The following CD300LF variants were observed in gnomAD, a reference collection of about 807,000 sequenced individuals.
The protein encoded by CD300LF is CMRF35-like molecule 1.
A neutral mutation model predicts 32.2 loss-of-function variants in CD300LF; 27 were observed. The ratio of observed to expected loss-of-function variants is 0.84; its 90% CI spans 0.62 to 1.15. CD300LF has a LOEUF of 1.15. CD300LF is among the 50% of genes most tolerant of loss of function. The pLI, the probability that CD300LF is intolerant of heterozygous loss-of-function variation, is 0.00. For synonymous variants in CD300LF, 139 were observed against 143.2 expected (o/e 0.97, Z 0.21); for missense variants, 348 against 356.8 (o/e 0.98, Z 0.20).
chr17:74,699,132 T>C (rs1431068318), intron 3 of CD300LF, among the ~76,000 whole-genome samples: 2 of 152,182 alleles, frequency 1.3e-5, no homozygotes, highest in African/African-American at 4.8e-5. Flanking sequence ...TAAGCCAGGC[T>C]GGTCTCGAAC....
At chr17:74,697,467 A>T (rs1462497372) in intron 4 of CD300LF, among the ~76,000 whole-genome samples, 3 of 152,358 alleles carry the variant, frequency 2.0e-5, no homozygotes, top group Non-Finnish European at 2.9e-5. Flanking sequence ...GATGAATAAA[A>T]GTCAGGCTCT....
rs2032251297 is a variant in CD300LF, at chr17:74,694,519, C to T, written c.*577G>A. The T allele has an allele frequency of 6.6e-6, 1 of 152,226 alleles. No homozygotes were observed. Among genetic ancestry groups the T allele is most frequent in the African/African-American group, 2.4e-5 (1 of 41,434 alleles). 9.4% of individuals were successfully genotyped at this position (152,226 alleles called of 1,614,324 possible). ...GCTCACGTCACACCCACGTCCACTTCCATCATCACTTTGTCTCTACCTCTT... is the reference window on the plus strand; with the variant it reads ...GCTCACGTCACACCCACGTCCACTTTCATCATCACTTTGTCTCTACCTCTT... On this transcript the variant is annotated 3_prime_UTR_variant, in exon 7 of 7. Transcript: ENST00000326165.
chr17:74,712,414 C>T (rs933845468), intron 1 of CD300LF, among the ~76,000 whole-genome samples: 12 of 152,134 alleles, frequency 7.9e-5, no homozygotes, highest in African/African-American at 2.4e-4. Context: ...CCTCTTCCCT[C>T]CTTTCAAAGT....
intron 6 of CD300LF, 88 bp from the exon 7 acceptor site, chr17:74,695,339 A>G (rs2143534540): frequency 6.6e-7 from 1 of 1,505,086 alleles, no homozygotes; most frequent in South Asian, 1.2e-5. Flanking sequence ...GATAGTGGGG[A>G]TGGACCATTC....
At position 74,695,028 on chromosome 17, in the gene CD300LF, G is replaced by A. The variant is rs866429626; in HGVS notation, c.*68C>T. On this transcript the variant is annotated 3_prime_UTR_variant, in exon 7 of 7. Coordinates refer to ENST00000326165, the MANE Select transcript of CD300LF (RefSeq NM_139018.5). Reference sequence around the variant, plus strand: ...GGTTGGTCCTGATGAGGGGAGCAGGGGGCAGACGGTCGATGAGGCAGGAGT... The same window carrying A: ...GGTTGGTCCTGATGAGGGGAGCAGGAGGCAGACGGTCGATGAGGCAGGAGT... The A allele has an allele frequency of 1.3e-5, 20 of 1,524,376 alleles. No individual in the cohort carries two copies. In the East Asian group the frequency reaches 3.9e-4, roughly 30 times the overall value. The allele number at this position is 1,524,376 out of a possible 1,614,324, so 94.4% of individuals were successfully genotyped here.
intron 1 of CD300LF, 135 bp downstream of exon 1, chr17:74,712,689 T>C (rs2034058178): frequency 1.3e-5 from 11 of 837,588 alleles, no homozygotes; most frequent in Non-Finnish European, 2.1e-5. Context: ...GCTAGGTGAA[T>C]GGTGGGTATG....
intron 6 of CD300LF, 89 bp from the exon 7 acceptor site, chr17:74,695,340 T>C: frequency 6.6e-7 from 1 of 1,504,046 alleles, no homozygotes; most frequent in Admixed American, 1.9e-5. Flanking sequence ...ATAGTGGGGA[T>C]GGACCATTCA....
At chr17:74,699,208 C>A (rs889650197) in intron 3 of CD300LF, among the ~76,000 whole-genome samples, 1 of 152,124 alleles carries the variant, frequency 6.6e-6, no homozygotes, top group Non-Finnish European at 1.5e-5. Context: ...TGAGCCACAG[C>A]GCCCGGCCTT....
At chr17:74,698,312 G>A (rs1369485876) in intron 4 of CD300LF, 57 bp downstream of exon 4, 22 of 1,206,248 alleles carry the variant, frequency 1.8e-5, no homozygotes, top group Non-Finnish European at 2.3e-5. Flanking sequence ...GCTCCCAGAT[G>A]CCACATCCCC....
At chr17:74,696,053 C>T in intron 5 of CD300LF, 142 bp downstream of exon 5, 1 of 1,288,770 alleles carries the variant, frequency 7.8e-7, no homozygotes, top group Non-Finnish European at 1.1e-6. Context: ...GCCCTCAGCC[C>T]CCAGGCCCTG....
At chr17:74,709,545 A>G (rs2033795434) in intron 1 of CD300LF, among the ~76,000 whole-genome samples, 1 of 152,124 alleles carries the variant, frequency 6.6e-6, no homozygotes, top group Non-Finnish European at 1.5e-5. Context: ...TTAGGACACC[A>G]TAAACCAAGA....
intron 3 of CD300LF, among the ~76,000 whole-genome samples, chr17:74,699,820 G>C (rs1300050816): frequency 1.3e-5 from 2 of 151,958 alleles, no homozygotes; most frequent in Non-Finnish European, 2.9e-5. Context: ...TGAACCAAAC[G>C]TCAAAGCACA....
chr17:74,705,188 T>C, intron 1 of CD300LF: 1 of 697,760 alleles, frequency 1.4e-6, no homozygotes, highest in Non-Finnish European at 2.6e-6. Flanking sequence ...GGAGACCCCT[T>C]TCCACAGGGT....
intron 1 of CD300LF, among the ~76,000 whole-genome samples, chr17:74,711,684 G>A (rs192633973): frequency 2.6e-5 from 4 of 152,122 alleles, no homozygotes; most frequent in African/African-American, 9.6e-5. Context: ...TGGAAAGCTG[G>A]TCCCGATCCT....
chr17:74,700,281 C>T (rs1340425636), intron 3 of CD300LF, among the ~76,000 whole-genome samples: 1 of 152,170 alleles, frequency 6.6e-6, no homozygotes, highest in Non-Finnish European at 1.5e-5. Flanking sequence ...CTCCTGCCTA[C>T]GACTCACCCC....
intron 1 of CD300LF, among the ~76,000 whole-genome samples, chr17:74,710,819 A>G (rs758018523): frequency 2.0e-5 from 3 of 151,890 alleles, no homozygotes; most frequent in Admixed American, 6.6e-5. Context: ...GTGAGCCAAG[A>G]TCGCGCCACT....
intron 1 of CD300LF, chr17:74,705,398 A>C: frequency 1.9e-6 from 1 of 529,652 alleles, no homozygotes; most frequent in African/African-American, 1.9e-5. Flanking sequence ...CATACAACAC[A>C]GATCCCACTT....
At chr17:74,697,024 C>T (rs1036602178) in intron 4 of CD300LF, among the ~76,000 whole-genome samples, 1 of 152,172 alleles carries the variant, frequency 6.6e-6, no homozygotes, top group Non-Finnish European at 1.5e-5. Flanking sequence ...TCACTGCAAC[C>T]TCCACCTCCT....
intron 2 of CD300LF, among the ~76,000 whole-genome samples, chr17:74,704,159 T>C (rs1285173857): frequency 6.6e-6 from 1 of 152,208 alleles, no homozygotes; most frequent in Non-Finnish European, 1.5e-5. Flanking sequence ...GACTGGGGTC[T>C]CTGGGTACCA....
Sources: gnomAD v4.1 joint callset for allele counts (sites outside exome capture counted in the v4.1 genomes callset) on GRCh38, gnomAD v4.1.1 for gene constraint, MANE v1.5 for transcripts, NCBI Gene and HGNC (gene_info 2026-07-23, HGNC 2026-07-21) for gene names.